Variants in SLC39A11 observed in about 807,000 individuals in gnomAD.
SLC39A11 encodes the protein zinc transporter ZIP11.
A neutral mutation model predicts 36.1 loss-of-function variants in SLC39A11; 33 were observed. The ratio of observed to expected loss-of-function variants is 0.91; its 90% CI spans 0.69 to 1.22. SLC39A11 has a LOEUF of 1.22. Among genes scored for constraint, SLC39A11 ranks in the 50% most tolerant of loss-of-function variants. SLC39A11 has a pLI of 0.00. For missense variants in SLC39A11, 432 were observed against 430.3 expected (o/e 1.00, Z -0.03); for synonymous variants, 166 against 170.3 (o/e 0.97, Z 0.20).
At chr17:73,005,978 T>TAATA (rs1443858185) in intron 4 of SLC39A11, among the ~76,000 whole-genome samples, 2 of 151,798 alleles carry the variant, frequency 1.3e-5, no homozygotes, top group Non-Finnish European at 2.9e-5. Flanking sequence ...AAAATAATAA[T>TAATA]AATAAATAAA....
intron 7 of SLC39A11, among the ~76,000 whole-genome samples, chr17:72,677,622 CA>C (rs1369960577): frequency 1.3e-5 from 2 of 152,166 alleles, no homozygotes; most frequent in Non-Finnish European, 1.5e-5. Context: ...CAGTGGTTCT[CA>C]AACCCGAGTG....
intron 4 of SLC39A11, among the ~76,000 whole-genome samples, chr17:72,973,977 C>A (rs554932087): frequency 3.2e-4 from 48 of 152,228 alleles, no homozygotes; most frequent in Non-Finnish European, 5.9e-4. Flanking sequence ...ACATGAAAGT[C>A]AACAGTGGGT....
intron 6 of SLC39A11, among the ~76,000 whole-genome samples, chr17:72,739,060 T>C (rs78358678): frequency 0.012 from 1,768 of 152,196 alleles, 33 homozygotes; most frequent in African/African-American, 0.036. Flanking sequence ...TTACCTTTTG[T>C]GCTTGATCTC....
At chr17:72,958,760 A>G (rs1352224156) in intron 4 of SLC39A11, among the ~76,000 whole-genome samples, 1 of 152,092 alleles carries the variant, frequency 6.6e-6, no homozygotes, top group African/African-American at 2.4e-5. Flanking sequence ...CTGAGGTGCA[A>G]GAATTGCTTG....
At chr17:72,984,500 C>T (rs574154674) in intron 4 of SLC39A11, among the ~76,000 whole-genome samples, 4 of 152,218 alleles carry the variant, frequency 2.6e-5, no homozygotes, top group South Asian at 4.2e-4. Flanking sequence ...CCCAGGAGTT[C>T]GAGTTTTATT....
chr17:73,037,726 G>A (rs75789722), intron 3 of SLC39A11, among the ~76,000 whole-genome samples: 5,916 of 152,276 alleles, frequency 0.039, 128 homozygotes, highest in Middle Eastern at 0.078. Flanking sequence ...CAACACACAT[G>A]GCAGGGGCCT....
intron 4 of SLC39A11, among the ~76,000 whole-genome samples, chr17:72,964,859 C>T (rs1297846398): frequency 6.6e-6 from 1 of 152,154 alleles, no homozygotes; most frequent in East Asian, 1.9e-4. Context: ...ACCCAAATGT[C>T]CATCAATGAT....
intron 3 of SLC39A11, among the ~76,000 whole-genome samples, chr17:73,079,826 T>A (rs1327232773): frequency 6.6e-6 from 1 of 152,198 alleles, no homozygotes; most frequent in Admixed American, 6.5e-5. Context: ...TGTATACATA[T>A]CAGTAGCTCT....
chr17:72,792,400 T>C (rs2076739779), intron 6 of SLC39A11, among the ~76,000 whole-genome samples: 1 of 152,146 alleles, frequency 6.6e-6, no homozygotes, highest in African/African-American at 2.4e-5. Context: ...GTCTGGTTGA[T>C]GTGGAACTAC....
rs530013247 is a variant in SLC39A11 at position 72,776,932 on chromosome 17, T to C, written c.602-40213A>G. Among the ~76,000 whole-genome samples the C allele has an allele frequency of 2.1e-4, 32 of 152,280 alleles. No homozygotes were observed. In the South Asian group the frequency reaches 6.6e-3, roughly 32 times the overall value. ...GGGGCCCTAGCTTTGAAGCTGACTT[T>C]CGCAGTTCATGGCTAAATGACCTCT... On this transcript the variant is annotated intron_variant, in intron 6 of 9. Transcript: ENST00000255559.
intron 4 of SLC39A11, among the ~76,000 whole-genome samples, chr17:72,969,415 C>A (rs940916952): frequency 3.0e-4 from 46 of 152,062 alleles, no homozygotes; most frequent in African/African-American, 1.1e-3. Flanking sequence ...CATTTCAATT[C>A]TCCACTAAAA....
intron 7 of SLC39A11, among the ~76,000 whole-genome samples, chr17:72,665,389 G>GTTTTTTTTTTGTTTT (rs2070689574): frequency 3.9e-5 from 3 of 76,636 alleles, no homozygotes; most frequent in Admixed American, 1.8e-4. Flanking sequence ...GTTTTGAGGT[G>GTTTTTTTTTTGTTTT]TTTTTTTTTT....
chr17:72,762,753 A>T (rs1256073876), intron 6 of SLC39A11, among the ~76,000 whole-genome samples: 1 of 151,932 alleles, frequency 6.6e-6, no homozygotes, highest in Non-Finnish European at 1.5e-5. Flanking sequence ...TACCTCCTTA[A>T]CCTTGTTTCC....
chr17:72,881,017 T>C (rs972538399), intron 5 of SLC39A11, among the ~76,000 whole-genome samples: 5 of 151,554 alleles, frequency 3.3e-5, no homozygotes, highest in Admixed American at 6.6e-5. Context: ...TACTAAGTGT[T>C]GGTGAGGATA....
chr17:72,745,585 T>A (rs896319695), intron 6 of SLC39A11, among the ~76,000 whole-genome samples: 12 of 152,204 alleles, frequency 7.9e-5, no homozygotes, highest in Non-Finnish European at 2.9e-5. Context: ...CCCTGTATGC[T>A]GTTGTGAAGC....
At chr17:72,721,591 G>A (rs1007295142) in intron 7 of SLC39A11, among the ~76,000 whole-genome samples, 6 of 152,172 alleles carry the variant, frequency 3.9e-5, no homozygotes, top group African/African-American at 1.4e-4. Context: ...CATCATTACT[G>A]TGGTCCATGG....
At chr17:72,734,694 G>A (rs1015792715) in intron 7 of SLC39A11, among the ~76,000 whole-genome samples, 2 of 152,226 alleles carry the variant, frequency 1.3e-5, no homozygotes, top group Admixed American at 6.5e-5. Context: ...AAGAACATCG[G>A]AGTTGACATG....
At chr17:73,019,446 A>T (rs2058271339) in intron 4 of SLC39A11, among the ~76,000 whole-genome samples, 2 of 152,210 alleles carry the variant, frequency 1.3e-5, no homozygotes, top group South Asian at 4.1e-4. Flanking sequence ...ATAGATGTAT[A>T]GTGCTATTAA....
Position 72,940,874 on chromosome 17 carries a change from G to C in SLC39A11, c.430+6878C>G, listed in dbSNP as rs116015503. On this transcript the variant is annotated intron_variant, in intron 5 of 9. Transcript: ENST00000255559. ...TTCTATGTTGAAGTCCTAACGCCCA[G>C]TACCTAAGAATGTAACTGTAAGGGA... Among the ~76,000 whole-genome samples the C allele has an allele frequency of 2.6e-5, 4 of 152,306 alleles. No homozygotes were observed. The South Asian group carries it at 8.3e-4, about 32-fold the overall frequency.
Sources: allele counts gnomAD v4.1 joint callset (sites outside exome capture counted in the v4.1 genomes callset), GRCh38; gene constraint gnomAD v4.1.1; transcripts MANE v1.5; gene names NCBI Gene and HGNC (gene_info 2026-07-23, HGNC 2026-07-21).